Variants in EEPD1 observed in about 807,000 individuals in gnomAD.
EEPD1 encodes endonuclease/exonuclease/phosphatase family domain-containing protein 1.
EEPD1 carries 17 observed loss-of-function variants against 46.3 expected under a neutral mutation model. The observed-to-expected ratio is 0.37, with a 90% CI of 0.25 to 0.55. The LOEUF is 0.55. Among genes scored for constraint, EEPD1 ranks in the 20% least tolerant of loss-of-function variants. EEPD1 has a pLI of 0.83. For missense variants in EEPD1, 673 were observed against 745.6 expected, an observed-to-expected ratio of 0.90 and a Z score of 1.13; for synonymous variants, 313 against 315.6, an observed-to-expected ratio of 0.99 and a Z score of 0.09.
Position 36,155,128 on chromosome 7 carries a change from G to T in EEPD1, c.804G>T (p.Leu268Phe). 6.4e-7 allele frequency: 1 copy of T among 1,554,058 alleles called. No homozygotes were observed. Among genetic ancestry groups the T allele is most frequent in the Admixed American group, 2.0e-5 (1 of 51,214 alleles). The change falls in exon 2 of 8, where the codon TTG becomes TTT. Residue 268 changes from leucine to phenylalanine, a missense_variant. Leu to Phe is a conservative substitution (Grantham distance 22). Coordinates refer to ENST00000242108, the MANE Select transcript of EEPD1 (RefSeq NM_030636.3). Reference sequence around the variant, plus strand: ...TGCTGAGGCTGGCCACCTGGAACTTGCAGGGCTGTTCCGTGGAGAAGGCCA... The same window carrying T: ...TGCTGAGGCTGGCCACCTGGAACTTTCAGGGCTGTTCCGTGGAGAAGGCCA... ...RPVLRLATWN[L>F]QGCSVEKANN...
chr7:36,271,080 A>C (rs1460731041), intron 3 of EEPD1, among the ~76,000 whole-genome samples: 13 of 151,944 alleles, frequency 8.6e-5, no homozygotes, highest in Non-Finnish European at 4.4e-5. Flanking sequence ...TCTGCTTCCC[A>C]GGTTCAAGCC....
intron 3 of EEPD1, among the ~76,000 whole-genome samples, chr7:36,239,903 C>A (rs981886334): frequency 6.6e-6 from 1 of 152,236 alleles, no homozygotes; most frequent in Non-Finnish European, 1.5e-5. Flanking sequence ...CATGAAGCAA[C>A]AGCACCCAAA....
chr7:36,287,162 G>A (rs377500581), intron 5 of EEPD1, among the ~76,000 whole-genome samples: 10 of 150,054 alleles, frequency 6.7e-5, no homozygotes, highest in African/African-American at 2.0e-4. Context: ...ACTTGAACCC[G>A]GGAGGCAGAG....
intron 4 of EEPD1, among the ~76,000 whole-genome samples, chr7:36,281,811 GT>G (rs34795175): frequency 0.12 from 18,775 of 152,184 alleles, 1,584 homozygotes; most frequent in Non-Finnish European, 0.18. Context: ...CATCAATGGA[GT>G]TTTAGATTTT....
intron 2 of EEPD1, among the ~76,000 whole-genome samples, chr7:36,191,637 A>G (rs1785462410): frequency 6.6e-6 from 1 of 152,204 alleles, no homozygotes; most frequent in Non-Finnish European, 1.5e-5. Flanking sequence ...AGAAGAGAGA[A>G]GAAGGCTCAG....
At chr7:36,239,075 G>C (rs748774703) in intron 3 of EEPD1, 39 bp downstream of exon 3, 3 of 1,598,572 alleles carry the variant, frequency 1.9e-6, no homozygotes, top group Non-Finnish European at 2.6e-6. Context: ...CACAAACCAA[G>C]AACGGAGGGC....
At chr7:36,197,221 A>G (rs1438252182) in intron 2 of EEPD1, among the ~76,000 whole-genome samples, 19 of 145,144 alleles carry the variant, frequency 1.3e-4, no homozygotes, top group Admixed American at 3.4e-4. Context: ...CCCGGCAGCC[A>G]CCCCGTCCGG....
At chr7:36,257,708 T>A (rs935214189) in intron 3 of EEPD1, among the ~76,000 whole-genome samples, 2 of 152,232 alleles carry the variant, frequency 1.3e-5, no homozygotes, top group Non-Finnish European at 2.9e-5. Context: ...CTGGTTATTC[T>A]ACTTAGCAAT....
intron 2 of EEPD1, among the ~76,000 whole-genome samples, chr7:36,196,097 C>T (rs925433325): frequency 1.3e-5 from 2 of 152,062 alleles, no homozygotes; most frequent in African/African-American, 4.8e-5. Context: ...ACCTATCTAG[C>T]TAAACATAGA....
chr7:36,239,169 G>A (rs754695238), intron 3 of EEPD1, 133 bp downstream of exon 3: 109 of 873,890 alleles, frequency 1.2e-4, no homozygotes, highest in Admixed American at 2.5e-4. Context: ...TCCTGACAGC[G>A]AATCATGCAG....
intron 2 of EEPD1, among the ~76,000 whole-genome samples, chr7:36,207,446 A>C (rs1020154775): frequency 1.3e-5 from 2 of 152,196 alleles, no homozygotes; most frequent in African/African-American, 4.8e-5. Context: ...TGGTATGTCC[A>C]TTTTAGACCC....
Position 36,153,393 on chromosome 7 carries a change from C to T in EEPD1, c.-474C>T, listed in dbSNP as rs889395636. The T allele has an allele frequency of 6.6e-6, 1 of 152,310 alleles. No individual in the cohort carries two copies. The highest frequency in any genetic ancestry group is 2.4e-5 in the African/African-American group (1 of 41,454). 9.4% of individuals were successfully genotyped at this position (152,310 alleles called of 1,614,324 possible). A position where few individuals can be genotyped will look rare whatever the true frequency, so the allele number is the denominator to read the frequency against. On this transcript the variant is annotated 5_prime_UTR_variant, in exon 1 of 8. Coordinates refer to ENST00000242108, the MANE Select transcript of EEPD1 (RefSeq NM_030636.3). ...GCAACTGCGGCGGCGCCGCCGCAAG[C>T]CCCGGTGCAGCCTCGGCGGCGGGTT...
At position 36,225,735 on chromosome 7, in the gene EEPD1, A is replaced by G. The variant is rs1275097506; in HGVS notation, c.879-13250A>G. Among the ~76,000 whole-genome samples, 1 of 152,202 alleles carries G rather than the reference A, an allele frequency of 6.6e-6. No individual in the cohort carries two copies. The highest frequency in any genetic ancestry group is 2.4e-5 in the African/African-American group (1 of 41,452). ...AACACCAACCTACGTGTGGAGCCTG[A>G]GAATCTGAAGCATTAAAAGTTCTTC... On this transcript the variant is annotated intron_variant, in intron 2 of 7. Coordinates refer to ENST00000242108, the MANE Select transcript of EEPD1 (RefSeq NM_030636.3). The surrounding 1 kb of genome is among the most constrained non-coding windows in gnomAD (Gnocchi z 4.2).
At position 36,197,868 on chromosome 7, in the gene EEPD1, A is replaced by G. The variant is rs373630938; in HGVS notation, c.879-41117A>G. Among the ~76,000 whole-genome samples the G allele has an allele frequency of 4.5e-4, 69 of 152,120 alleles. 1 individual carries two copies. In the East Asian group the frequency reaches 0.012, roughly 27 times the overall value. On this transcript the variant is annotated intron_variant, in intron 2 of 7. Transcript: ENST00000242108. ...TGACCCTGCCAAATCCCCCTCTGCG[A>G]GAAACACCCAAGAATGATCAATAAA...
chr7:36,186,423 C>A (rs762019505), intron 2 of EEPD1, among the ~76,000 whole-genome samples: 1 of 152,166 alleles, frequency 6.6e-6, no homozygotes, highest in Non-Finnish European at 1.5e-5. Flanking sequence ...GTGTGATTCC[C>A]AGAGGGAAAA....
At chr7:36,267,392 G>A (rs1309547932) in intron 3 of EEPD1, among the ~76,000 whole-genome samples, 3 of 152,054 alleles carry the variant, frequency 2.0e-5, no homozygotes, top group Non-Finnish European at 2.9e-5. Flanking sequence ...CTGTGCCACA[G>A]CCACACTGGC....
rs1785525355 is a variant in EEPD1, at chr7:36,193,777, A to G, written c.878+38575A>G. ...CAGGTCCCGTGGTCAGCAGGTGGCCAGCGGCAGAGCGGCCACACCCATCCT... is the reference window on the plus strand; with the variant it reads ...CAGGTCCCGTGGTCAGCAGGTGGCCGGCGGCAGAGCGGCCACACCCATCCT... On this transcript the variant is annotated intron_variant, in intron 2 of 7. Transcript: ENST00000242108. This position sits in a 1 kb window ranked among gnomAD's most constrained non-coding sequence, Gnocchi z 4.9. Among the ~76,000 whole-genome samples the G allele has an allele frequency of 6.6e-6, 1 of 152,198 alleles. No homozygotes were observed. The highest frequency in any genetic ancestry group is 6.5e-5 in the Admixed American group (1 of 15,284).
chr7:36,174,285 A>G (rs903165464), intron 2 of EEPD1, among the ~76,000 whole-genome samples: 1 of 152,240 alleles, frequency 6.6e-6, no homozygotes, highest in Non-Finnish European at 1.5e-5. Flanking sequence ...GTTTCTTGCA[A>G]TTAAGAATCT....
chr7:36,294,504 G>A (rs1787492212), intron 6 of EEPD1, among the ~76,000 whole-genome samples: 1 of 152,086 alleles, frequency 6.6e-6, no homozygotes, highest in Non-Finnish European at 1.5e-5. Flanking sequence ...TCACATAGGA[G>A]GAAGTGGGGG....
Sources: gnomAD v4.1 joint callset for allele counts (sites outside exome capture counted in the v4.1 genomes callset) on GRCh38, gnomAD v4.1.1 for gene constraint, Gnocchi (gnomAD v3.1) non-coding constraint, MANE v1.5 for transcripts, NCBI Gene and HGNC (gene_info 2026-07-23, HGNC 2026-07-21) for gene names.